DROSHA: variants seen among roughly 807,000 people sequenced by gnomAD.
DROSHA encodes ribonuclease 3.
In DROSHA, 56 loss-of-function variants were observed where a neutral mutation model predicts 181.9. The ratio of observed to expected loss-of-function variants is 0.31; its 90% confidence interval spans 0.25 to 0.38. The LOEUF (loss-of-function observed/expected upper bound fraction) is 0.38. Ranked by LOEUF, DROSHA falls within the 10% of genes least tolerant of loss-of-function variation. The probability of loss-of-function intolerance (pLI) is 1.00; values close to 1 mark genes in which losing one functional copy is unlikely to be tolerated. For missense variants in DROSHA, 1,218 were observed against 1,743.5 expected, an observed-to-expected ratio of 0.70 and a Z score of 5.37; for synonymous variants, 524 against 591.2, an observed-to-expected ratio of 0.89 and a Z score of 1.65.
At chr5:31,405,845 G>T in intron 34 of DROSHA, 122 bp from the exon 35 acceptor site, 2 of 810,310 alleles carry the variant, frequency 2.5e-6, no homozygotes, top group Non-Finnish European at 1.8e-6. Flanking sequence ...CACGTTCAGT[G>T]CATAAAATCT....
intron 6 of DROSHA, among the ~76,000 whole-genome samples, chr5:31,520,748 T>A (rs1039337666): frequency 3.9e-5 from 6 of 152,180 alleles, no homozygotes; most frequent in Non-Finnish European, 8.8e-5. Context: ...GTGATAGCAA[T>A]CTCAATGTCA....
In DROSHA at chr5:31,493,202, C is replaced by G; in HGVS notation, c.1842+5G>C. 1 of 1,603,340 alleles carries G rather than the reference C, an allele frequency of 6.2e-7. No homozygotes were observed. The highest frequency in any genetic ancestry group is 8.5e-7 in the Non-Finnish European group (1 of 1,175,582). On this transcript the variant is annotated splice_donor_5th_base_variant and intron_variant, in intron 13 of 35. Transcript: ENST00000344624. ...GAGAAAAGCAGCCAACTGGCACATA[C>G]TTACATTGGTCAGGGGGGCATGTGC...
intron 31 of DROSHA, 95 bp downstream of exon 31, chr5:31,410,651 G>C (rs1741197586): frequency 2.0e-6 from 3 of 1,467,454 alleles, no homozygotes; most frequent in Non-Finnish European, 2.7e-6. Flanking sequence ...GGTTTCTTTA[G>C]CCAGAACATA....
At position 31,484,736 on chromosome 5, in the gene DROSHA, C is replaced by A. The variant is rs1751539441; in HGVS notation, c.1996+145G>T. The stretch of plus-strand genomic sequence containing the variant: ...CTTATTCATGTCAAATGATAACAAG[C>A]ATTCCTGTGAATAACACTTTTCTCT... On this transcript the variant is annotated intron_variant, in intron 15 of 35. Coordinates refer to ENST00000344624, the MANE Select transcript of DROSHA (RefSeq NM_001382508.1). 9.8e-6 allele frequency: 6 copies of A among 611,358 alleles called. No homozygotes were observed. In the East Asian group the frequency reaches 1.9e-4, roughly 19 times the overall value. 37.9% of individuals were successfully genotyped at this position (611,358 alleles called of 1,614,324 possible).
intron 3 of DROSHA, among the ~76,000 whole-genome samples, chr5:31,529,473 C>T (rs939426174): frequency 6.6e-6 from 1 of 152,142 alleles, no homozygotes; most frequent in Non-Finnish European, 1.5e-5. Context: ...TGGTAGTTCA[C>T]GCCTGTAATC....
At chr5:31,522,454 A>AT (rs35641393) in intron 5 of DROSHA, among the ~76,000 whole-genome samples, 3,320 of 151,714 alleles carry the variant, frequency 0.022, 55 homozygotes, top group Middle Eastern at 0.068. Flanking sequence ...TTTCTAATAT[A>AT]TTTTTTTTTA....
At chr5:31,416,900 A>T (rs955368332) in intron 30 of DROSHA, among the ~76,000 whole-genome samples, 1 of 152,230 alleles carries the variant, frequency 6.6e-6, no homozygotes, top group Non-Finnish European at 1.5e-5. Flanking sequence ...CTTGCTGAGC[A>T]CTGATATGCC....
chr5:31,422,899 C>A lies in DROSHA; in HGVS notation c.3307G>T (p.Val1103Phe). 1 of 1,612,166 alleles carries A rather than the reference C, an allele frequency of 6.2e-7. No homozygotes were observed. The highest frequency in any genetic ancestry group is 8.5e-7 in the Non-Finnish European group (1 of 1,179,178). Residue 1103 changes from valine (V) to phenylalanine (F), a missense_variant, in exon 29 of 36, where the codon GTT becomes TTT. This residue lies in a region of DROSHA where 71 missense variants were observed against 95.2 expected (regional missense o/e 0.75). Coordinates refer to ENST00000344624, the MANE Select transcript of DROSHA (RefSeq NM_001382508.1). ...TCAAACTCAGTAAGTTTTTGTAGAA[C>A]TGGAGAAGTTTCAATAAGTTGTCGA... ...TDRQLIETSP[V>F]LQKLTEFEEA...
chr5:31,419,264 C>G (rs1561129118), intron 30 of DROSHA, among the ~76,000 whole-genome samples: 1 of 152,138 alleles, frequency 6.6e-6, no homozygotes, highest in Non-Finnish European at 1.5e-5. Context: ...TTTGTCTTGC[C>G]CGCAGATCTG....
intron 30 of DROSHA, among the ~76,000 whole-genome samples, chr5:31,413,933 A>C (rs1741647171): frequency 6.6e-6 from 1 of 152,246 alleles, no homozygotes; most frequent in Non-Finnish European, 1.5e-5. Flanking sequence ...AGATTGATGT[A>C]GGTGGATTCT....
Position 31,515,157 on chromosome 5 carries a change from T to C in DROSHA, c.1121A>G (p.Asp374Gly). The change falls in exon 8 of 36, where the codon GAC becomes GGC. Residue 374 changes from aspartate (D) to glycine (G), a missense_variant. Asp to Gly is a moderately conservative substitution (Grantham distance 94). Around this residue, in one of 8 missense-constraint regions of DROSHA, gnomAD observed 536 missense variants for 535.4 expected, o/e 1.00. Transcript: ENST00000344624. ...RWEEEKDRWS[D>G]NQSSGKDKNY... ...CTTGTCTTTGCCAGAACTCTGGTTGTCACTCCAACGGTCTTTTTCTTCCTC... is the reference window on the plus strand; with the variant it reads ...CTTGTCTTTGCCAGAACTCTGGTTGCCACTCCAACGGTCTTTTTCTTCCTC... 8.1e-6 allele frequency: 13 copies of C among 1,614,018 alleles called. No individual in the cohort carries two copies. The highest frequency in any genetic ancestry group is 1.1e-5 in the Non-Finnish European group (13 of 1,179,896).
At chr5:31,492,793 A>G (rs1482050584) in intron 13 of DROSHA, among the ~76,000 whole-genome samples, 1 of 152,240 alleles carries the variant, frequency 6.6e-6, no homozygotes, top group Non-Finnish European at 1.5e-5. Flanking sequence ...CAGAAAATCT[A>G]TTTCATGAAT....
At chr5:31,416,621 T>C (rs1044547075) in intron 30 of DROSHA, among the ~76,000 whole-genome samples, 1 of 152,132 alleles carries the variant, frequency 6.6e-6, no homozygotes, top group Non-Finnish European at 1.5e-5. Context: ...GAGTAGAAGA[T>C]ACCAGGCACA....
chr5:31,414,163 G>C (rs762403578), intron 30 of DROSHA, among the ~76,000 whole-genome samples: 11 of 152,300 alleles, frequency 7.2e-5, no homozygotes, highest in Non-Finnish European at 1.5e-4. Context: ...TTTCCTGTAG[G>C]GGAAGGGGAA....
chr5:31,496,964 G>C (rs1753055380), intron 11 of DROSHA, among the ~76,000 whole-genome samples: 1 of 152,224 alleles, frequency 6.6e-6, no homozygotes, highest in African/African-American at 2.4e-5. Context: ...CATCTGAGCA[G>C]GTTGTGGAGG....
chr5:31,485,446 ACT>A lies in DROSHA; in HGVS notation c.1915-486_1915-485del, dbSNP rs1423091852. Among the ~76,000 whole-genome samples, 3 of 151,788 alleles carry A rather than the reference ACT, an allele frequency of 2.0e-5. No individual in the cohort carries two copies. In the East Asian group the frequency reaches 5.8e-4, roughly 30 times the overall value. ...AATAAAGGGCTAAGAAAATTATACA[ACT>A]CTGCACCAAAATTTCTCCTGTAAAC... On this transcript the variant is annotated intron_variant, in intron 14 of 35. Transcript: ENST00000344624.
chr5:31,467,961 A>G lies in DROSHA; in HGVS notation c.2344T>C (p.Leu782=). Residue 782 remains leucine (L), a synonymous_variant, in exon 18 of 36, where the codon TTG becomes CTG. Transcript: ENST00000344624. ...IVHFGIRPAQ[L]SYAGDPQYQK... ...TACTGTGGGTCTCCTGCATAACTCA[A>G]CTGTGCAGGGCGTATCCCAAAGTGG... is the stretch of plus-strand genomic sequence containing the variant. 6.2e-7 allele frequency: 1 copy of G among 1,611,348 alleles called. No individual in the cohort carries two copies. The highest frequency in any genetic ancestry group is 2.2e-5 in the East Asian group (1 of 44,844).
intron 28 of DROSHA, among the ~76,000 whole-genome samples, chr5:31,423,606 G>T (rs1418518586): frequency 3.9e-5 from 6 of 152,180 alleles, no homozygotes; most frequent in Non-Finnish European, 8.8e-5. Context: ...AATATGAAAA[G>T]TGTGATTAAA....
intron 21 of DROSHA, among the ~76,000 whole-genome samples, chr5:31,451,133 C>T (rs62348718): frequency 0.34 from 51,316 of 151,776 alleles, 11,022 homozygotes; most frequent in Non-Finnish European, 0.48. Context: ...ACCCAGGAGG[C>T]GGAGGTTGCA....
Sources: gnomAD v4.1 joint callset for allele counts (sites outside exome capture counted in the v4.1 genomes callset) on GRCh38, gnomAD v4.1.1 for gene constraint, gnomAD v4.1.1 regional missense constraint, MANE v1.5 for transcripts, NCBI Gene and HGNC (gene_info 2026-07-23, HGNC 2026-07-21) for gene names.